Variants in SEC31B observed in about 807,000 individuals in gnomAD.
The protein encoded by SEC31B is protein transport protein Sec31B.
Under a neutral mutation model 135.0 loss-of-function variants are expected in SEC31B, and 113 were observed. The observed-to-expected ratio is 0.84, with a 90% CI of 0.72 to 0.98. SEC31B has a LOEUF of 0.98. SEC31B is among the 50% of genes least tolerant of loss of function. SEC31B has a pLI of 0.00. For synonymous variants in SEC31B, 508 were observed against 549.4 expected (o/e 0.92, Z 1.05); for missense variants, 1,296 against 1,421.1 (o/e 0.91, Z 1.42).
chr10:100,497,692 G>C lies in SEC31B; in HGVS notation c.1965C>G (p.Gly655=), dbSNP rs1276916450. ...CACAGAGCTCGGGAAATTTCTCTGTGCCTGAGTATGTCAGTAGCAAAGCCA... is the reference window on the plus strand; with the variant it reads ...CACAGAGCTCGGGAAATTTCTCTGTCCCTGAGTATGTCAGTAGCAAAGCCA... ...EALALLLTYS[G]TEKFPELCDM... is the part of the protein sequence containing the mutation. Residue 655 remains glycine (G), a synonymous_variant, in exon 16 of 26, where the codon GGC becomes GGG. Coordinates refer to ENST00000370345, the MANE Select transcript of SEC31B (RefSeq NM_015490.4). The C allele has an allele frequency of 2.4e-5, 39 of 1,614,198 alleles. No individual in the cohort carries two copies. The highest frequency in any genetic ancestry group is 3.1e-5 in the Non-Finnish European group (37 of 1,180,048).
chr10:100,494,277 CTACTAAG>C (rs1307522341), intron 19 of SEC31B, among the ~76,000 whole-genome samples: 3 of 152,202 alleles, frequency 2.0e-5, no homozygotes, highest in African/African-American at 4.8e-5. Context: ...TCAGTTCTAT[CTACTAAG>C]TACTAAGTAT....
At chr10:100,498,417 G>A (rs577374966) in intron 14 of SEC31B, 24 of 616,074 alleles carry the variant, frequency 3.9e-5, no homozygotes, top group African/African-American at 3.5e-4. Context: ...GAACTGATGT[G>A]GCAGTAGCAC....
Position 100,502,452 on chromosome 10 carries a change from G to T in SEC31B, c.1212C>A (p.Pro404=). 1.2e-6 allele frequency: 2 copies of T among 1,613,734 alleles called. No homozygotes were observed. Among genetic ancestry groups the T allele is most frequent in the Non-Finnish European group, 1.7e-6 (2 of 1,179,948 alleles). ...GTGGCACCAGATGGGCAGGGGTGCT[G>T]GGGAGGCCAAAAGTAACCAGCTTCC... ...FGGKLVTFGL[P]STPAHLVPQP... The change falls in exon 11 of 26, where the codon CCC becomes CCA. Residue 404 remains proline, a synonymous_variant. Transcript: ENST00000370345.
Position 100,498,110 on chromosome 10 carries a change from G to A in SEC31B, c.1782C>T (p.Ile594=), listed in dbSNP as rs754298289. Residue 594 remains isoleucine, a synonymous_variant, in exon 15 of 26, where the codon ATC becomes ATT. Transcript: ENST00000370345. The stretch of plus-strand genomic sequence containing the variant: ...GATCTGTACCCCCAGCCTGGGCCAG[G>A]ATAATGGCATCAGCAAAGCGCTCCT... The part of the protein sequence containing the change: ...LKEERFADAI[I]LAQAGGTDLL... The A allele has an allele frequency of 1.9e-6, 3 of 1,614,166 alleles. No individual in the cohort carries two copies. In the South Asian group the frequency reaches 3.3e-5, roughly 18 times the overall value.
chr10:100,499,726 C>A (rs1198154099), intron 11 of SEC31B, 128 bp from the exon 12 acceptor site: 4 of 650,544 alleles, frequency 6.1e-6, no homozygotes, highest in Non-Finnish European at 8.0e-6. Context: ...GTGCCCTCAG[C>A]AGTCCAATGC....
chr10:100,487,741 C>T lies in SEC31B; in HGVS notation c.3415G>A (p.Gly1139Arg), dbSNP rs376723138. Residue 1139 changes from glycine to arginine, a missense_variant, in exon 26 of 26, where the codon GGA becomes AGA. Transcript: ENST00000370345. The stretch of plus-strand genomic sequence containing the variant: ...ACTGCAAGGCCCTGCTCAAAGCTTC[C>T]TGCATCCACACATCGGGCAACCTCA... The part of the protein sequence containing the change: ...LHEVARCVDA[G>R]SFEQGLAVHA... 31 of 1,613,966 alleles carry T rather than the reference C, an allele frequency of 1.9e-5. No homozygotes were observed. Among genetic ancestry groups the T allele is most frequent in the Non-Finnish European group, 2.2e-5 (26 of 1,180,000 alleles).
At position 100,488,845 on chromosome 10, in the gene SEC31B, G is replaced by A. The variant is rs560018863; in HGVS notation, c.3288+13C>T. 6.3e-7 allele frequency: 1 copy of A among 1,576,062 alleles called. No individual in the cohort carries two copies. On this transcript the variant is annotated intron_variant, in intron 24 of 25. Coordinates refer to ENST00000370345, the MANE Select transcript of SEC31B (RefSeq NM_015490.4). The stretch of plus-strand genomic sequence containing the variant: ...GGTGCGAGGAGGGCACTGTGAAGAA[G>A]GTTCAGACTTACTAAGTCAGTTGCA...
At chr10:100,492,525 G>A (rs1851319668) in intron 19 of SEC31B, among the ~76,000 whole-genome samples, 1 of 152,192 alleles carries the variant, frequency 6.6e-6, no homozygotes, top group South Asian at 2.1e-4. Context: ...CCTGGCTTAT[G>A]TTCACTATTC....
At chr10:100,503,670 G>A (rs1851569735) in intron 10 of SEC31B, among the ~76,000 whole-genome samples, 1 of 151,916 alleles carries the variant, frequency 6.6e-6, no homozygotes, top group South Asian at 2.1e-4. Flanking sequence ...CCCGACCTCA[G>A]GTGATCCACC....
intron 10 of SEC31B, among the ~76,000 whole-genome samples, chr10:100,504,100 C>T (rs1204733686): frequency 6.6e-6 from 1 of 152,204 alleles, no homozygotes; most frequent in Non-Finnish European, 1.5e-5. Context: ...GGGCAGGCAT[C>T]ACTATCCCTG....
intron 20 of SEC31B, 168 bp downstream of exon 20, chr10:100,490,538 A>G (rs146863866): frequency 2.5e-4 from 216 of 866,258 alleles, no homozygotes; most frequent in East Asian, 9.7e-4. Flanking sequence ...ACACTTTGGT[A>G]TATTGCCAAA....
In SEC31B at chr10:100,506,028, A is replaced by G; in HGVS notation, c.1044+12T>C. ...CCCTTCCCTCCAGCATTCTCTACCA[A>G]GCCCTTCAAACCTTGTCAGCCTGTC... is the stretch of plus-strand genomic sequence containing the variant. On this transcript the variant is annotated intron_variant, in intron 9 of 25. Coordinates refer to ENST00000370345, the MANE Select transcript of SEC31B (RefSeq NM_015490.4). The G allele has an allele frequency of 6.2e-7, 1 of 1,613,126 alleles. No homozygotes were observed. Among genetic ancestry groups the G allele is most frequent in the Non-Finnish European group, 8.5e-7 (1 of 1,179,978 alleles).
rs756878334 is a variant in SEC31B at position 100,487,777 on chromosome 10, C to T, written c.3379G>A (p.Ala1127Thr). The change falls in exon 26 of 26, where the codon GCT becomes ACT. Residue 1127 changes from alanine to threonine, a missense_variant. By Grantham distance (58) the Ala-to-Thr change is moderately conservative. Coordinates refer to ENST00000370345, the MANE Select transcript of SEC31B (RefSeq NM_015490.4). ...CEGTLSPHVV[A>T]GLHEVARCVD... ...CATCGGGCAACCTCATGGAGCCCAG[C>T]CACGACATGAGGTGAGAGCTGTGGA... The T allele has an allele frequency of 1.9e-6, 3 of 1,614,038 alleles. No homozygotes were observed. In the South Asian group the frequency reaches 3.3e-5, roughly 18 times the overall value.
intron 1 of SEC31B, among the ~76,000 whole-genome samples, chr10:100,519,566 G>C (rs978949126): frequency 2.0e-5 from 3 of 152,244 alleles, no homozygotes; most frequent in African/African-American, 2.4e-5. Context: ...ATCCGGCTGG[G>C]GGTTCCCGTG....
intron 10 of SEC31B, among the ~76,000 whole-genome samples, chr10:100,503,295 T>C (rs763668328): frequency 8.5e-5 from 13 of 152,136 alleles, no homozygotes; most frequent in East Asian, 1.9e-4. Flanking sequence ...ATTGGCTGCA[T>C]ATTAAAACCA....
chr10:100,502,089 G>A (rs1048351896), intron 11 of SEC31B, among the ~76,000 whole-genome samples, 165 bp downstream of exon 11: 4 of 152,328 alleles, frequency 2.6e-5, no homozygotes, highest in African/African-American at 4.8e-5. Flanking sequence ...AAGGGTGAAC[G>A]TTTTGTGTCT....
At position 100,516,141 on chromosome 10, in the gene SEC31B, G is replaced by C. The variant is rs200247465; in HGVS notation, c.158C>G (p.Pro53Arg). The C allele has an allele frequency of 1.9e-6, 3 of 1,614,006 alleles. No homozygotes were observed. The East Asian group carries it at 6.7e-5, about 36-fold the overall frequency. ...LEIFEVDFRD[P>R]SLDLKHRGVL... Reference sequence around the variant, plus strand: ...TCCTCTGTGTTTCAAGTCCAGAGAAGGGTCCCTGAAATCAACCTCAAATAT... The same window carrying C: ...TCCTCTGTGTTTCAAGTCCAGAGAACGGTCCCTGAAATCAACCTCAAATAT... Residue 53 changes from proline (P) to arginine (R), a missense_variant, in exon 3 of 26, where the codon CCT becomes CGT. Transcript: ENST00000370345.
chr10:100,490,151 G>T lies in SEC31B; in HGVS notation c.2822C>A (p.Pro941His). The T allele has an allele frequency of 1.9e-6, 3 of 1,598,084 alleles. No homozygotes were observed. Among genetic ancestry groups the T allele is most frequent in the Non-Finnish European group, 2.6e-6 (3 of 1,172,800 alleles). Residue 941 changes from proline (P) to histidine (H), a missense_variant, in exon 21 of 26, where the codon CCT becomes CAT. Transcript: ENST00000370345. ...PETPRLFPLL[P>H]LRPLGPGRMV... Reference sequence around the variant, plus strand: ...GCGGCCGGGACCTAGTGGTCTCAGAGGAAGCAGAGGGAACAGTCTAGGAGT... The same window carrying T: ...GCGGCCGGGACCTAGTGGTCTCAGATGAAGCAGAGGGAACAGTCTAGGAGT...
intron 5 of SEC31B, chr10:100,508,616 T>C (rs1033125304): frequency 4.8e-6 from 2 of 420,954 alleles, no homozygotes; most frequent in African/African-American, 2.1e-5. Context: ...GACCCCCCCC[T>C]CCATAAAAAG....
Sources: gnomAD v4.1 joint callset for allele counts (sites outside exome capture counted in the v4.1 genomes callset) on GRCh38, gnomAD v4.1.1 for gene constraint, MANE v1.5 for transcripts, NCBI Gene and HGNC (gene_info 2026-07-23, HGNC 2026-07-21) for gene names.